SPATA13: variants seen among roughly 807,000 people sequenced by gnomAD.
The protein encoded by SPATA13 is spermatogenesis associated 13.
A neutral mutation model predicts 104.0 loss-of-function variants in SPATA13; 50 were observed. The observed-to-expected ratio is 0.48, with a 90% CI of 0.38 to 0.61. The LOEUF is 0.61. Among genes scored for constraint, SPATA13 ranks in the 20% least tolerant of loss-of-function variants. The probability of loss-of-function intolerance (pLI) is 0.00; values close to 1 mark genes in which losing one functional copy is unlikely to be tolerated. For synonymous variants in SPATA13, 606 were observed against 667.5 expected, an observed-to-expected ratio of 0.91 and a Z score of 1.42; for missense variants, 1,524 against 1,690.6, an observed-to-expected ratio of 0.90 and a Z score of 1.73.
chr13:24,122,041 C>T lies in SPATA13; in HGVS notation c.-111-100778C>T, dbSNP rs577011570. On this transcript the variant is annotated intron_variant, in intron 3 of 14. Transcript: ENST00000424834. Reference sequence around the variant, plus strand: ...GAACACAAGCTCTTCACTACAATCACACAGCAGGAAAGAAAGAGATAACTC... The same window carrying T: ...GAACACAAGCTCTTCACTACAATCATACAGCAGGAAAGAAAGAGATAACTC... The T allele has an allele frequency of 3.4e-5, 51 of 1,509,742 alleles. No homozygotes were observed. In the African/African-American group the frequency reaches 7.0e-4, roughly 21 times the overall value. 93.5% of individuals were successfully genotyped at this position (1,509,742 alleles called of 1,614,324 possible).
At position 24,223,599 on chromosome 13, in the gene SPATA13, C is replaced by A; in HGVS notation, c.670C>A (p.Pro224Thr). Residue 224 changes from proline (P) to threonine (T), a missense_variant, in exon 2 of 13, where the codon CCC becomes ACC. This residue lies in a region of SPATA13 where 1,089 missense variants were observed against 1,135.9 expected (regional missense o/e 0.96). Transcript: ENST00000382108. ...GGATGCGCCCCAGAACCATGCGACA[C>A]CCACGATAGCCACTGGCCAGGTGCC... ...LLDAPQNHATPTIATGQVPAV... is the reference protein window; with the variant it reads ...LLDAPQNHATTTIATGQVPAV... 3 of 1,551,114 alleles carry A rather than the reference C, an allele frequency of 1.9e-6. No individual in the cohort carries two copies. The highest frequency in any genetic ancestry group is 2.6e-6 in the Non-Finnish European group (3 of 1,147,030).
At chr13:24,072,220 T>A (rs1879186271) in intron 3 of SPATA13, among the ~76,000 whole-genome samples, 1 of 152,162 alleles carries the variant, frequency 6.6e-6, no homozygotes, top group Non-Finnish European at 1.5e-5. Context: ...CAATGTAGAA[T>A]CAATGCTGAA....
At chr13:24,210,820 G>A (rs1250010878) in intron 1 of SPATA13, among the ~76,000 whole-genome samples, 2 of 143,270 alleles carry the variant, frequency 1.4e-5, no homozygotes, top group African/African-American at 2.6e-5. Flanking sequence ...CATTGAATCT[G>A]TAGATGACTT....
rs576263262 is a variant in SPATA13 at position 24,242,288 on chromosome 13, G to A, written c.1654-7189G>A. Reference sequence around the variant, plus strand: ...AGAAGAGTCCAAGCCGGATGCATGCGCATGACTATGTCTACACACACATGG... The same window carrying A: ...AGAAGAGTCCAAGCCGGATGCATGCACATGACTATGTCTACACACACATGG... On this transcript the variant is annotated intron_variant, in intron 2 of 12. Transcript: ENST00000382108. 5.9e-5 allele frequency among the ~76,000 whole-genome samples: 9 copies of A among 152,280 alleles called. No homozygotes were observed. In the South Asian group the frequency reaches 1.4e-3, roughly 25 times the overall value.
At chr13:24,270,797 G>T in intron 4 of SPATA13, 1 of 1,611,752 alleles carries the variant, frequency 6.2e-7, no homozygotes, top group South Asian at 1.1e-5. Context: ...GATGCTTGGG[G>T]ACCGGCTCCT....
intron 3 of SPATA13, among the ~76,000 whole-genome samples, chr13:24,047,993 A>G (rs919774285): frequency 6.6e-6 from 1 of 152,180 alleles, no homozygotes; most frequent in African/African-American, 2.4e-5. Context: ...AGGGTAGGAG[A>G]CAGATGTCCT....
intron 2 of SPATA13, among the ~76,000 whole-genome samples, chr13:24,237,211 G>A (rs999807765): frequency 6.6e-6 from 1 of 151,966 alleles, no homozygotes; most frequent in Non-Finnish European, 1.5e-5. Flanking sequence ...CAAAAAATTA[G>A]TTGGGCATAA....
rs767621545 is a variant in SPATA13, at chr13:24,302,615, G to A, written c.3676G>A (p.Val1226Met). Residue 1226 changes from valine to methionine, a missense_variant, in exon 13 of 13, where the codon GTG becomes ATG. Transcript: ENST00000382108. ...CGAGTCAGGCTACAACAGGTGCCCTGTGGCCCCACCGCACCAGGGCCTGCA... is the reference window on the plus strand; with the variant it reads ...CGAGTCAGGCTACAACAGGTGCCCTATGGCCCCACCGCACCAGGGCCTGCA... ...GKSKGYNRCP[V>M]APPHQGLHPI... is the part of the protein sequence containing the mutation. 2.5e-6 allele frequency: 4 copies of A among 1,609,780 alleles called. No individual in the cohort carries two copies. The highest frequency in any genetic ancestry group is 2.2e-5 in the East Asian group (1 of 44,816).
intron 1 of SPATA13, among the ~76,000 whole-genome samples, chr13:24,193,984 A>G (rs1869914114): frequency 6.6e-6 from 1 of 152,204 alleles, no homozygotes; most frequent in Admixed American, 6.5e-5. Flanking sequence ...CAGAAACTGG[A>G]AAAGAGTTTG....
chr13:24,041,801 G>A (rs987499402), intron 3 of SPATA13, among the ~76,000 whole-genome samples: 1 of 152,156 alleles, frequency 6.6e-6, no homozygotes, highest in Non-Finnish European at 1.5e-5. Flanking sequence ...AGGTGGGAAA[G>A]CGTGAGACAG....
chr13:24,241,056 T>C (rs1872809470), intron 2 of SPATA13, among the ~76,000 whole-genome samples: 1 of 152,154 alleles, frequency 6.6e-6, no homozygotes, highest in Non-Finnish European at 1.5e-5. Flanking sequence ...CCCCATTCCG[T>C]AGTAATTAGA....
At chr13:24,218,325 G>A (rs1324203736) in intron 1 of SPATA13, among the ~76,000 whole-genome samples, 1 of 152,136 alleles carries the variant, frequency 6.6e-6, no homozygotes. Flanking sequence ...GGTGTAATCT[G>A]TAGGGAAGGA....
At chr13:24,061,067 T>C (rs1878755995) in intron 3 of SPATA13, among the ~76,000 whole-genome samples, 3 of 152,010 alleles carry the variant, frequency 2.0e-5, no homozygotes, top group Admixed American at 2.0e-4. Flanking sequence ...GCAAATGACA[T>C]GAACAGACAC....
rs771520901 is a variant in SPATA13 at position 24,290,167 on chromosome 13, C to T, written c.2848-485C>T. On this transcript the variant is annotated intron_variant, in intron 8 of 12. Transcript: ENST00000382108. The stretch of plus-strand genomic sequence containing the variant: ...GCTGCCACCAGGGAAGGGGTCTTGG[C>T]GGGCCCAGCCAGGGTGACGGCAGAG... Among the ~76,000 whole-genome samples, 7 of 152,210 alleles carry T rather than the reference C, an allele frequency of 4.6e-5. 1 individual carries two copies. In the South Asian group the frequency reaches 6.2e-4, roughly 14 times the overall value.
At chr13:24,228,725 C>T (rs528973187) in intron 2 of SPATA13, among the ~76,000 whole-genome samples, 1 of 152,208 alleles carries the variant, frequency 6.6e-6, no homozygotes, top group South Asian at 2.1e-4. Flanking sequence ...TTATTCAGCT[C>T]ATTAACAGTA....
At chr13:24,234,194 C>G (rs1872446729) in intron 2 of SPATA13, among the ~76,000 whole-genome samples, 1 of 152,136 alleles carries the variant, frequency 6.6e-6, no homozygotes, top group African/African-American at 2.4e-5. Flanking sequence ...TAATGCTATG[C>G]ATGTTAAGCT....
rs1877477877 is a variant in SPATA13, at chr13:24,031,465, A to G, written c.-112+13764A>G. ...CTTTCCCAGATCTTTCCAGATACCA[A>G]GACAATGGGGAAAACACATCTATGA... is the stretch of plus-strand genomic sequence containing the variant. On this transcript the variant is annotated intron_variant, in intron 3 of 14. Coordinates refer to the SPATA13 transcript ENST00000424834. Among the ~76,000 whole-genome samples the G allele has an allele frequency of 2.0e-5, 3 of 152,248 alleles. No homozygotes were observed. In the South Asian group the frequency reaches 6.2e-4, roughly 32 times the overall value.
chr13:24,020,399 T>C (rs775566107), intron 3 of SPATA13, among the ~76,000 whole-genome samples: 4 of 152,120 alleles, frequency 2.6e-5, no homozygotes, highest in Non-Finnish European at 4.4e-5. Context: ...CTTAATCAAA[T>C]TTTTCATTAA....
rs184404354 is a variant in SPATA13, at chr13:24,038,741, T to G, written c.-112+21040T>G. Among the ~76,000 whole-genome samples, 12 of 152,296 alleles carry G rather than the reference T, an allele frequency of 7.9e-5. No individual in the cohort carries two copies. The East Asian group carries it at 2.3e-3, about 29-fold the overall frequency. On this transcript the variant is annotated intron_variant, in intron 3 of 14. Coordinates refer to the SPATA13 transcript ENST00000424834. ...ACAAGCAGGGGCTGCATTTGGCCCA[T>G]GGGCTGGAGTTCTTGAACCTCTGAT... is the stretch of plus-strand genomic sequence containing the variant.
Sources: allele counts gnomAD v4.1 joint callset (sites outside exome capture counted in the v4.1 genomes callset), GRCh38; gene constraint gnomAD v4.1.1; regional missense constraint gnomAD v4.1.1; transcripts MANE v1.5; gene names NCBI Gene and HGNC (gene_info 2026-07-23, HGNC 2026-07-21).